The following UGGT1 variants were observed in gnomAD, a reference collection of about 807,000 sequenced individuals.
UGGT1 encodes the protein UDP-glucose glycoprotein glucosyltransferase 1, also known as UDP-glucose:glycoprotein glucosyltransferase 1.
A neutral mutation model predicts 203.9 loss-of-function variants in UGGT1; 107 were observed. The ratio of observed to expected loss-of-function variants is 0.52; its 90% CI spans 0.45 to 0.62. UGGT1 has a LOEUF of 0.62. Ranked by LOEUF, UGGT1 falls within the 20% of genes least tolerant of loss-of-function variation. UGGT1 has a pLI of 0.00. For synonymous variants in UGGT1, 628 were observed against 653.5 expected (o/e 0.96, Z 0.59); for missense variants, 1,673 against 1,867.2 (o/e 0.90, Z 1.92).
At chr2:128,120,030 G>A (rs546231090) in intron 8 of UGGT1, among the ~76,000 whole-genome samples, 7 of 151,692 alleles carry the variant, frequency 4.6e-5, no homozygotes, top group Non-Finnish European at 1.0e-4. Context: ...TCCTGCCTTG[G>A]CCTCCTCAGT....
In UGGT1 at chr2:128,107,913, T is replaced by C. The variant is rs1331564524; in HGVS notation, c.278-25T>C. On this transcript the variant is annotated intron_variant, in intron 3 of 40. Coordinates refer to ENST00000259253, the MANE Select transcript of UGGT1 (RefSeq NM_020120.4). ...GATATCTCTAGTCATACGCAATTAC[T>C]TTGGTTAATGTTCTTCCTTGACAGG... 1.9e-6 allele frequency: 3 copies of C among 1,613,718 alleles called. No homozygotes were observed. In the African/African-American group the frequency reaches 4.0e-5, roughly 22 times the overall value.
Position 128,091,269 on chromosome 2 carries a change from C to G in UGGT1, c.-89C>G. The G allele has an allele frequency of 1.5e-6, 2 of 1,362,678 alleles. No homozygotes were observed. The highest frequency in any genetic ancestry group is 1.9e-6 in the Non-Finnish European group (2 of 1,029,712). The allele number at this position is 1,362,678 out of a possible 1,614,324, so 84.4% of individuals were successfully genotyped here. Reference sequence around the variant, plus strand: ...GGGAAAGGCGCGTGTCGGCCTCTCACTGGCGCAGCCTGCACTGCCGCTGCC... The same window carrying G: ...GGGAAAGGCGCGTGTCGGCCTCTCAGTGGCGCAGCCTGCACTGCCGCTGCC... On this transcript the variant is annotated 5_prime_UTR_variant, in exon 1 of 41. Coordinates refer to ENST00000259253, the MANE Select transcript of UGGT1 (RefSeq NM_020120.4).
intron 2 of UGGT1, among the ~76,000 whole-genome samples, chr2:128,101,499 A>G (rs1687371205): frequency 6.6e-6 from 1 of 152,232 alleles, no homozygotes; most frequent in Admixed American, 6.5e-5. Flanking sequence ...AGCTACAGAA[A>G]TATTATATAA....
intron 17 of UGGT1, among the ~76,000 whole-genome samples, chr2:128,144,625 T>A (rs1689590953): frequency 6.6e-6 from 1 of 152,236 alleles, no homozygotes; most frequent in Admixed American, 6.5e-5. Flanking sequence ...TTTAGGAGTG[T>A]ATATTTAAAA....
chr2:128,138,416 G>A (rs1388518165), intron 15 of UGGT1, among the ~76,000 whole-genome samples: 5 of 152,066 alleles, frequency 3.3e-5, no homozygotes, highest in Admixed American at 2.0e-4. Flanking sequence ...TTGGGAGGCT[G>A]AGGCAGGAGA....
At chr2:128,162,700 G>GT (rs1690585180) in intron 25 of UGGT1, among the ~76,000 whole-genome samples, 1 of 152,102 alleles carries the variant, frequency 6.6e-6, no homozygotes, top group African/African-American at 2.4e-5. Context: ...TAGGTCAGGA[G>GT]GTACTCGTGA....
At chr2:128,171,465 G>T in intron 28 of UGGT1, 181 bp downstream of exon 28, 1 of 596,662 alleles carries the variant, frequency 1.7e-6, no homozygotes, top group Non-Finnish European at 2.9e-6. Flanking sequence ...TAGTGTGTTT[G>T]TAGCATTTAG....
chr2:128,094,833 C>T (rs958375242), intron 1 of UGGT1, among the ~76,000 whole-genome samples: 1 of 149,826 alleles, frequency 6.7e-6, no homozygotes, highest in Admixed American at 6.7e-5. Context: ...ACTGAAACCT[C>T]CACCTCCCGG....
intron 38 of UGGT1, among the ~76,000 whole-genome samples, chr2:128,184,909 T>G (rs2104832262): frequency 6.6e-6 from 1 of 152,264 alleles, no homozygotes; most frequent in South Asian, 2.1e-4. Flanking sequence ...CTCAAACTCC[T>G]GACCTCAAGT....
At chr2:128,108,092 C>T (rs1332614581) in intron 4 of UGGT1, 24 bp downstream of exon 4, 7 of 1,613,428 alleles carry the variant, frequency 4.3e-6, no homozygotes, top group Non-Finnish European at 5.9e-6. Flanking sequence ...TCTTAAAGAA[C>T]AGCATTTTAG....
At chr2:128,127,243 C>A in intron 11 of UGGT1, 118 bp from the exon 12 acceptor site, 1 of 679,448 alleles carries the variant, frequency 1.5e-6, no homozygotes, top group Non-Finnish European at 2.5e-6. Flanking sequence ...CATCTTGAAG[C>A]AAATCTTAGC....
chr2:128,101,414 TA>T (rs1687367985), intron 2 of UGGT1, among the ~76,000 whole-genome samples: 1 of 152,234 alleles, frequency 6.6e-6, no homozygotes, highest in Non-Finnish European at 1.5e-5. Context: ...GAAGGAGTTG[TA>T]GCTTTGTGAT....
chr2:128,149,352 T>A (rs1281624511), intron 18 of UGGT1, among the ~76,000 whole-genome samples: 1 of 149,226 alleles, frequency 6.7e-6, no homozygotes, highest in Non-Finnish European at 1.5e-5. Context: ...AGTATTCCAT[T>A]ATAAAAAATA....
chr2:128,166,321 A>G (rs1458374313), intron 26 of UGGT1, among the ~76,000 whole-genome samples: 2 of 152,158 alleles, frequency 1.3e-5, no homozygotes, highest in Non-Finnish European at 2.9e-5. Flanking sequence ...ACACACGGTC[A>G]TATTTTTTCC....
At chr2:128,096,921 C>T (rs1178476691) in intron 1 of UGGT1, among the ~76,000 whole-genome samples, 1 of 152,192 alleles carries the variant, frequency 6.6e-6, no homozygotes, top group African/African-American at 2.4e-5. Context: ...ACCTAAGTGC[C>T]TTCAGTTACA....
rs777466337 is a variant in UGGT1 at position 128,120,391 on chromosome 2, A to C, written c.908A>C (p.Glu303Ala). The C allele has an allele frequency of 2.5e-6, 4 of 1,613,954 alleles. No homozygotes were observed. Among genetic ancestry groups the C allele is most frequent in the Admixed American group, 1.7e-5 (1 of 59,994 alleles). Residue 303 changes from glutamate (E) to alanine (A), a missense_variant, in exon 9 of 41, where the codon GAA becomes GCA. Glu to Ala is a moderately radical substitution (Grantham distance 107). This residue lies in a region of UGGT1 where 1,073 missense variants were observed against 1,078.7 expected (regional missense o/e 0.99). Coordinates refer to ENST00000259253, the MANE Select transcript of UGGT1 (RefSeq NM_020120.4). ...LHPDLEGQLKELRKHLVESTN... is the reference protein window; with the variant it reads ...LHPDLEGQLKALRKHLVESTN... The stretch of plus-strand genomic sequence containing the variant: ...CCCGACCTGGAGGGACAGTTGAAAG[A>C]ACTCAGAAAGCATCTTGTAGAGAGC...
chr2:128,119,033 A>G (rs1286479152), intron 8 of UGGT1, among the ~76,000 whole-genome samples: 1 of 152,150 alleles, frequency 6.6e-6, no homozygotes, highest in Admixed American at 6.5e-5. Flanking sequence ...CTTAAACTAG[A>G]ACTAGAGTGT....
Position 128,192,198 on chromosome 2 carries a change from A to G in UGGT1, c.*2456A>G, listed in dbSNP as rs1271547033. ...CCATTCTAATATAAGTCAGCTTAAT[A>G]GTTGACTCTGAATAATGCAAAACCC... On this transcript the variant is annotated 3_prime_UTR_variant, in exon 41 of 41. Transcript: ENST00000259253. 6.6e-6 allele frequency: 1 copy of G among 151,542 alleles called. No homozygotes were observed. Among genetic ancestry groups the G allele is most frequent in the African/African-American group, 2.4e-5 (1 of 41,190 alleles). The allele number at this position is 151,542 out of a possible 1,614,324, so 9.4% of individuals were successfully genotyped here. A position where few individuals can be genotyped will look rare whatever the true frequency, so the allele number is the denominator to read the frequency against.
chr2:128,170,021 C>T (rs1691012777), intron 26 of UGGT1, among the ~76,000 whole-genome samples: 4 of 152,168 alleles, frequency 2.6e-5, no homozygotes, highest in Admixed American at 2.6e-4. Flanking sequence ...AAGCTAACTT[C>T]AGTAGCTTTT....
Sources: allele counts gnomAD v4.1 joint callset (sites outside exome capture counted in the v4.1 genomes callset), GRCh38; gene constraint gnomAD v4.1.1; regional missense constraint gnomAD v4.1.1; transcripts MANE v1.5; gene names NCBI Gene and HGNC (gene_info 2026-07-23, HGNC 2026-07-21).